Variants in NF1 observed in about 807,000 individuals in gnomAD.
NF1 encodes the protein neurofibromin 1.
Under a neutral mutation model 325.7 loss-of-function variants are expected in NF1, and 122 were observed. The observed-to-expected ratio is 0.37, with a 90% CI of 0.32 to 0.44. NF1 has a LOEUF of 0.44. Among genes scored for constraint, NF1 ranks in the 20% least tolerant of loss-of-function variants. NF1 has a pLI of 1.00. For missense variants in NF1, 2,140 were observed against 3,415.4 expected, an observed-to-expected ratio of 0.63 and a Z score of 9.31; for synonymous variants, 1,091 against 1,186.0, an observed-to-expected ratio of 0.92 and a Z score of 1.65.
At chr17:31,198,996 G>C (rs940999234) in intron 8 of NF1, among the ~76,000 whole-genome samples, 4 of 151,876 alleles carry the variant, frequency 2.6e-5, no homozygotes, top group African/African-American at 9.7e-5. Flanking sequence ...TTATTTTTTT[G>C]TTAACCTATC....
chr17:31,104,058 C>T (rs559011859), intron 1 of NF1, among the ~76,000 whole-genome samples: 25 of 151,644 alleles, frequency 1.6e-4, no homozygotes, highest in Admixed American at 5.3e-4. Flanking sequence ...TTTTGTTTTT[C>T]GTTTTTTATT....
chr17:31,196,485 G>T (rs1463342023), intron 8 of NF1, among the ~76,000 whole-genome samples: 2 of 152,066 alleles, frequency 1.3e-5, no homozygotes, highest in African/African-American at 4.8e-5. Flanking sequence ...TCTGTGGATT[G>T]TTGTTTCATC....
intron 57 of NF1, among the ~76,000 whole-genome samples, chr17:31,370,488 C>T (rs1378974946): frequency 1.3e-5 from 2 of 152,122 alleles, no homozygotes; most frequent in Non-Finnish European, 2.9e-5. Flanking sequence ...GTACCCTCAA[C>T]ATTTAACAGG....
chr17:31,292,054 G>GA (rs2068353717), intron 36 of NF1, among the ~76,000 whole-genome samples: 2 of 152,216 alleles, frequency 1.3e-5, no homozygotes, highest in Admixed American at 6.5e-5. Flanking sequence ...TTAATCTTCA[G>GA]AAAAAAACCA....
At chr17:31,097,720 A>G (rs959769805) in intron 1 of NF1, among the ~76,000 whole-genome samples, 8 of 151,644 alleles carry the variant, frequency 5.3e-5, no homozygotes, top group Admixed American at 3.9e-4. Flanking sequence ...TTTTTGAGAC[A>G]AGGTCTTGCT....
At chr17:31,214,647 A>G (rs2066789475) in intron 13 of NF1, 62 bp downstream of exon 13, 1 of 1,534,410 alleles carries the variant, frequency 6.5e-7, no homozygotes, top group African/African-American at 1.4e-5. Flanking sequence ...GTTTAGCTGA[A>G]ACGCCAAGAC....
At position 31,194,436 on chromosome 17, in the gene NF1, A is replaced by G. The variant is rs373767039; in HGVS notation, c.889-5986A>G. On this transcript the variant is annotated intron_variant, in intron 8 of 57. Coordinates refer to ENST00000358273, the MANE Select transcript of NF1 (RefSeq NM_001042492.3). ...GATTTGTTAAAGGATTCAAAATTAC[A>G]ACTAGATAGGAAGAGTAAGTTCTAG... Among the ~76,000 whole-genome samples the G allele has an allele frequency of 8.5e-4, 130 of 152,204 alleles. 2 individuals carry two copies. The South Asian group carries it at 0.026, about 31-fold the overall frequency.
chr17:31,286,183 C>T (rs1247089323), intron 36 of NF1, among the ~76,000 whole-genome samples: 1 of 152,120 alleles, frequency 6.6e-6, no homozygotes, highest in Non-Finnish European at 1.5e-5. Flanking sequence ...CAACCTCCAC[C>T]TACTGGGTTC....
At chr17:31,313,936 A>G (rs2068956628) in intron 36 of NF1, 1 of 397,584 alleles carries the variant, frequency 2.5e-6, no homozygotes. Context: ...AATAAATTTT[A>G]TATAAAGCAA....
At chr17:31,100,863 C>G (rs958940674) in intron 1 of NF1, among the ~76,000 whole-genome samples, 1 of 152,186 alleles carries the variant, frequency 6.6e-6, no homozygotes, top group Non-Finnish European at 1.5e-5. Flanking sequence ...CCACCGTGCC[C>G]GGCCCGGAAT....
intron 19 of NF1, 98 bp downstream of exon 19, chr17:31,227,389 A>G: frequency 6.8e-7 from 1 of 1,466,716 alleles, no homozygotes. Context: ...TTTTGAAGTA[A>G]ATCCAAGATA....
intron 37 of NF1, 58 bp downstream of exon 37, chr17:31,326,310 A>G: frequency 6.5e-7 from 1 of 1,538,668 alleles, no homozygotes; most frequent in South Asian, 1.1e-5. Flanking sequence ...TAACTAGACT[A>G]TATCCTGGCC....
chr17:31,372,891 CTGT>C (rs1288812323), intron 57 of NF1, among the ~76,000 whole-genome samples: 9 of 152,224 alleles, frequency 5.9e-5, no homozygotes, highest in African/African-American at 2.2e-4. Flanking sequence ...TGGCATGCAC[CTGT>C]AGTCCTAGCT....
chr17:31,319,770 ACAG>A lies in NF1; in HGVS notation c.4836-6047_4836-6045del, dbSNP rs571637867. On this transcript the variant is annotated intron_variant, in intron 36 of 57. Transcript: ENST00000358273. ...AAAATCTGAAGAAAAAAAAAAAAAA[ACAG>A]CAAATTTCCTCTGAGTAGACTTAAA... Among the ~76,000 whole-genome samples, 279 of 148,878 alleles carry A rather than the reference ACAG, an allele frequency of 1.9e-3. 3 individuals carry two copies. Among genetic ancestry groups the A allele is most frequent in the African/African-American group, 6.3e-3 (260 of 41,086 alleles).
chr17:31,318,482 T>C (rs2069085966), intron 36 of NF1: 1 of 1,614,052 alleles, frequency 6.2e-7, no homozygotes, highest in Non-Finnish European at 8.5e-7. Context: ...CCATTGCTTC[T>C]AGGCTGACGC....
At chr17:31,274,886 C>T (rs2067974319) in intron 36 of NF1, among the ~76,000 whole-genome samples, 1 of 152,232 alleles carries the variant, frequency 6.6e-6, no homozygotes, top group African/African-American at 2.4e-5. Flanking sequence ...GTTTAAAATT[C>T]AGAAGTTAGT....
At chr17:31,290,990 A>T (rs377367247) in intron 36 of NF1, among the ~76,000 whole-genome samples, 2 of 150,400 alleles carry the variant, frequency 1.3e-5, no homozygotes, top group South Asian at 4.2e-4. Context: ...TGAGTGACAG[A>T]GCAAGACTCT....
chr17:31,282,858 G>A (rs2068147815), intron 36 of NF1, among the ~76,000 whole-genome samples: 1 of 152,150 alleles, frequency 6.6e-6, no homozygotes, highest in African/African-American at 2.4e-5. Context: ...CAAAGTAGCT[G>A]CATTATTTTA....
At chr17:31,320,946 A>G (rs953678731) in intron 36 of NF1, 2 of 152,608 alleles carry the variant, frequency 1.3e-5, no homozygotes, top group African/African-American at 4.8e-5. Context: ...ACACATTTTA[A>G]CAGTGCTTAC....
Sources: allele counts gnomAD v4.1 joint callset (sites outside exome capture counted in the v4.1 genomes callset), GRCh38; gene constraint gnomAD v4.1.1; transcripts MANE v1.5; gene names NCBI Gene and HGNC (gene_info 2026-07-23, HGNC 2026-07-21).